The following FAM210B variants were observed in gnomAD, a reference collection of about 807,000 sequenced individuals.
FAM210B encodes mitochondrial inner membrane scaffold 2, also known as family with sequence similarity 210 member B.
In FAM210B, 11 loss-of-function variants were observed where a neutral mutation model predicts 14.9. The observed-to-expected ratio is 0.74, with a 90% confidence interval of 0.46 to 1.22. The LOEUF (loss-of-function observed/expected upper bound fraction) is 1.22, where lower values mean the gene tolerates loss of function less well. FAM210B is among the 50% of genes most tolerant of loss of function. The pLI is 0.00. For synonymous variants in FAM210B, 113 were observed against 110.2 expected, an observed-to-expected ratio of 1.03 and a Z score of -0.16; for missense variants, 229 against 250.1, an observed-to-expected ratio of 0.92 and a Z score of 0.57.
At chr20:56,361,039 G>C (rs909420123) in intron 1 of FAM210B, among the ~76,000 whole-genome samples, 3 of 152,206 alleles carry the variant, frequency 2.0e-5, no homozygotes, top group African/African-American at 7.2e-5. Context: ...AAGAGGGGTA[G>C]GGAAAGCCAC....
Position 56,359,049 on chromosome 20 carries a change from G to C in FAM210B, c.44G>C (p.Gly15Ala). ...TTGCTGGGTCCGGCAGGCAGGGTGG[G>C]CGCCCGGGTCCGGCCTCGCGCCACC... ...LALLGPAGRV[G>A]ARVRPRATWL... is the part of the protein sequence containing the mutation. Residue 15 changes from glycine to alanine, a missense_variant, in exon 1 of 3, where the codon GGC becomes GCC. Physicochemically the swap from Gly to Ala is moderately conservative, Grantham distance 60. This residue lies in a region of FAM210B where 144 missense variants were observed against 132.5 expected (regional missense o/e 1.09). Coordinates refer to ENST00000371384, the MANE Select transcript of FAM210B (RefSeq NM_080821.3). This position sits in a 1 kb window ranked among gnomAD's most constrained non-coding sequence, Gnocchi z 4.3. The C allele has an allele frequency of 7.4e-7, 1 of 1,352,222 alleles. No homozygotes were observed. The highest frequency in any genetic ancestry group is 9.6e-7 in the Non-Finnish European group (1 of 1,046,518). 83.8% of individuals were successfully genotyped at this position (1,352,222 alleles called of 1,614,324 possible).
At position 56,362,597 on chromosome 20, in the gene FAM210B, T is replaced by A. The variant is rs1983555788; in HGVS notation, c.187-2490T>A. Among the ~76,000 whole-genome samples the A allele has an allele frequency of 6.6e-6, 1 of 152,220 alleles. No individual in the cohort carries two copies. Among genetic ancestry groups the A allele is most frequent in the Admixed American group, 6.5e-5 (1 of 15,270 alleles). ...CACAGTGCTTATAGATGGGTGTTTTTATCAAAACAAAAGGAATAAAATTGT... is the reference window on the plus strand; with the variant it reads ...CACAGTGCTTATAGATGGGTGTTTTAATCAAAACAAAAGGAATAAAATTGT... On this transcript the variant is annotated intron_variant, in intron 1 of 2. Transcript: ENST00000371384. This position sits in a 1 kb window ranked among gnomAD's most constrained non-coding sequence, Gnocchi z 4.8.
At chr20:56,361,401 T>C (rs1294004633) in intron 1 of FAM210B, among the ~76,000 whole-genome samples, 1 of 152,162 alleles carries the variant, frequency 6.6e-6, no homozygotes, top group African/African-American at 2.4e-5. Flanking sequence ...GGTGGGGTTT[T>C]GTCAGTTTTT....
chr20:56,363,143 G>C lies in FAM210B; in HGVS notation c.187-1944G>C, dbSNP rs559612771. ...GACATCTTCCCTCCTCCCCTCCAGA[G>C]CCTGGACATTCTGGAAAAGTGTCTT... On this transcript the variant is annotated intron_variant, in intron 1 of 2. Coordinates refer to ENST00000371384, the MANE Select transcript of FAM210B (RefSeq NM_080821.3). The surrounding 1 kb of genome is among the most constrained non-coding windows in gnomAD (Gnocchi z 4.1). 5.3e-5 allele frequency among the ~76,000 whole-genome samples: 8 copies of C among 152,336 alleles called. No individual in the cohort carries two copies. The highest frequency in any genetic ancestry group is 1.9e-4 in the African/African-American group (8 of 41,570).
rs1983482392 is a variant in FAM210B, at chr20:56,359,166, C to G, written c.161C>G (p.Ala54Gly). The change falls in exon 1 of 3, where the codon GCG (alanine) becomes GGG (glycine). Residue 54 changes from alanine (A) to glycine (G), a missense_variant. Ala to Gly is a moderately conservative substitution (Grantham distance 60). Coordinates refer to ENST00000371384, the MANE Select transcript of FAM210B (RefSeq NM_080821.3). The surrounding 1 kb of genome is among the most constrained non-coding windows in gnomAD (Gnocchi z 4.3). ...CTAGACGCCCGGCTGCTCCGCACGG[C>G]GCGCGGGGACTGCCGCGGCCACCAG... ...PRLDARLLRT[A>G]RGDCRGHQDP... is the part of the protein sequence containing the mutation. The G allele has an allele frequency of 1.0e-5, 13 of 1,238,608 alleles. No homozygotes were observed. In the South Asian group the frequency reaches 5.1e-4, roughly 48 times the overall value. 76.7% of individuals were successfully genotyped at this position (1,238,608 alleles called of 1,614,324 possible). A position where few individuals can be genotyped will look rare whatever the true frequency, so the allele number is the denominator to read the frequency against.
intron 1 of FAM210B, among the ~76,000 whole-genome samples, chr20:56,361,035 G>T (rs1425695411): frequency 6.6e-6 from 1 of 152,198 alleles, no homozygotes; most frequent in East Asian, 1.9e-4. Flanking sequence ...CTGTAAGAGG[G>T]GTAGGGAAAG....
intron 1 of FAM210B, chr20:56,360,111 C>A (rs1231891325): frequency 4.4e-6 from 2 of 449,816 alleles, no homozygotes; most frequent in African/African-American, 2.0e-5. Flanking sequence ...CAGTAAGGAG[C>A]GGATGGGGAT....
At position 56,362,438 on chromosome 20, in the gene FAM210B, G is replaced by A. The variant is rs1290706395; in HGVS notation, c.187-2649G>A. Among the ~76,000 whole-genome samples the A allele has an allele frequency of 5.3e-5, 8 of 152,088 alleles. No individual in the cohort carries two copies. In the South Asian group the frequency reaches 8.3e-4, roughly 16 times the overall value. ...TTCAGGACAGTGCCTAACACATCCC[G>A]GGTACTTACGGCAATGTTTCACGAA... On this transcript the variant is annotated intron_variant, in intron 1 of 2. Transcript: ENST00000371384. This position sits in a 1 kb window ranked among gnomAD's most constrained non-coding sequence, Gnocchi z 4.8.
rs1277618470 is a variant in FAM210B, at chr20:56,359,033, C to T, written c.28C>T (p.Pro10Ser). 8 of 1,347,542 alleles carry T rather than the reference C, an allele frequency of 5.9e-6. No homozygotes were observed. The highest frequency in any genetic ancestry group is 6.7e-6 in the Non-Finnish European group (7 of 1,043,742). 83.5% of individuals were successfully genotyped at this position (1,347,542 alleles called of 1,614,324 possible). A position where few individuals can be genotyped will look rare whatever the true frequency, so the allele number is the denominator to read the frequency against. ...GGCCGGGTTGCTGGCGTTGCTGGGT[C>T]CGGCAGGCAGGGTGGGCGCCCGGGT... MAGLLALLG[P>S]AGRVGARVRP... The change falls in exon 1 of 3, where the codon CCG becomes TCG. Residue 10 changes from proline (P) to serine (S), a missense_variant. Physicochemically the swap from Pro to Ser is moderately conservative, Grantham distance 74 (BLOSUM62 -1). This residue lies in a region of FAM210B where 144 missense variants were observed against 132.5 expected (regional missense o/e 1.09). Coordinates refer to ENST00000371384, the MANE Select transcript of FAM210B (RefSeq NM_080821.3). The surrounding 1 kb of genome is among the most constrained non-coding windows in gnomAD (Gnocchi z 4.3).
Position 56,359,277 on chromosome 20 carries a change from G to T in FAM210B, c.186+86G>T. On this transcript the variant is annotated intron_variant, in intron 1 of 2. Transcript: ENST00000371384. The surrounding 1 kb of genome is among the most constrained non-coding windows in gnomAD (Gnocchi z 4.3). Reference sequence around the variant, plus strand: ...GCCGCGCCGGGGTCCGGCCGCCTCCGCCAAGGACGCCTTTGCACTTGTAGC... The same window carrying T: ...GCCGCGCCGGGGTCCGGCCGCCTCCTCCAAGGACGCCTTTGCACTTGTAGC... The T allele has an allele frequency of 8.5e-7, 1 of 1,179,862 alleles. No homozygotes were observed. Among genetic ancestry groups the T allele is most frequent in the Non-Finnish European group, 1.1e-6 (1 of 949,356 alleles). 73.1% of individuals were successfully genotyped at this position (1,179,862 alleles called of 1,614,324 possible).
intron 1 of FAM210B, among the ~76,000 whole-genome samples, chr20:56,361,608 C>T (rs1278900077): frequency 6.6e-6 from 1 of 152,174 alleles, no homozygotes; most frequent in African/African-American, 2.4e-5. Flanking sequence ...TTCTCAGATC[C>T]TCTTCTGTTA....
rs1171466871 is a variant in FAM210B at position 56,362,536 on chromosome 20, A to C, written c.187-2551A>C. Among the ~76,000 whole-genome samples, 1 of 152,156 alleles carries C rather than the reference A, an allele frequency of 6.6e-6. No individual in the cohort carries two copies. Among genetic ancestry groups the C allele is most frequent in the Non-Finnish European group, 1.5e-5 (1 of 68,016 alleles). Reference sequence around the variant, plus strand: ...TAAATTCTTTTATTTCAGCTTCTTTAGTCTCCCCAAAGGTTAGGAAGAAAA... The same window carrying C: ...TAAATTCTTTTATTTCAGCTTCTTTCGTCTCCCCAAAGGTTAGGAAGAAAA... On this transcript the variant is annotated intron_variant, in intron 1 of 2. Coordinates refer to ENST00000371384, the MANE Select transcript of FAM210B (RefSeq NM_080821.3). This position sits in a 1 kb window ranked among gnomAD's most constrained non-coding sequence, Gnocchi z 4.8.
chr20:56,364,435 C>T (rs913833456), intron 1 of FAM210B, among the ~76,000 whole-genome samples: 3 of 152,214 alleles, frequency 2.0e-5, no homozygotes, highest in Admixed American at 1.3e-4. Context: ...TCCCTCTCTT[C>T]ACTTATAAGG....
chr20:56,361,390 G>C (rs1231727908), intron 1 of FAM210B, among the ~76,000 whole-genome samples: 1 of 152,146 alleles, frequency 6.6e-6, no homozygotes, highest in African/African-American at 2.4e-5. Context: ...AGCTCATCGA[G>C]GGTGGGGTTT....
rs1346023981 is a variant in FAM210B, at chr20:56,362,975, C to T, written c.187-2112C>T. On this transcript the variant is annotated intron_variant, in intron 1 of 2. Coordinates refer to ENST00000371384, the MANE Select transcript of FAM210B (RefSeq NM_080821.3). The surrounding 1 kb of genome is among the most constrained non-coding windows in gnomAD (Gnocchi z 4.8). ...CTGCTGTCCCCTCTGCAGCCTCCCT[C>T]AGCAGCTGGAGGTGGGTGGGGCTTG... is the stretch of plus-strand genomic sequence containing the variant. 6.6e-6 allele frequency among the ~76,000 whole-genome samples: 1 copy of T among 152,218 alleles called. No individual in the cohort carries two copies. Among genetic ancestry groups the T allele is most frequent in the African/African-American group, 2.4e-5 (1 of 41,466 alleles).
At chr20:56,360,084 A>AC (rs1983501953) in intron 1 of FAM210B, 1 of 420,500 alleles carries the variant, frequency 2.4e-6, no homozygotes, top group African/African-American at 2.0e-5. Flanking sequence ...ACATCTCCTG[A>AC]CCGTTTCCTA....
At chr20:56,365,758 C>T (rs1983621337) in intron 2 of FAM210B, among the ~76,000 whole-genome samples, 1 of 152,128 alleles carries the variant, frequency 6.6e-6, no homozygotes, top group African/African-American at 2.4e-5. Flanking sequence ...CCCCCTCGGC[C>T]TCCCAAAGTG....
chr20:56,365,072 C>CT lies in FAM210B; in HGVS notation c.187-14dup. The CT allele has an allele frequency of 1.2e-6, 2 of 1,606,542 alleles. No homozygotes were observed. The highest frequency in any genetic ancestry group is 1.7e-6 in the Non-Finnish European group (2 of 1,177,498). On this transcript the variant is annotated splice_polypyrimidine_tract_variant and intron_variant, in intron 1 of 2. Transcript: ENST00000371384. ...CCTGCCCTAAAGCACCTCCTCTTCT[C>CT]TGATTTGTACACAGGACCCCAGCCA...
At position 56,359,101 on chromosome 20, in the gene FAM210B, C is replaced by T. The variant is rs1334965774; in HGVS notation, c.96C>T (p.Cys32=). ...ATWLLGATAP[C]APPPLALALL... ...GGCTCCTGGGCGCCACCGCCCCCTG[C>T]GCCCCGCCGCCCCTGGCCCTGGCCC... The change falls in exon 1 of 3, where the codon TGC becomes TGT. Residue 32 remains cysteine (C), a synonymous_variant. Coordinates refer to ENST00000371384, the MANE Select transcript of FAM210B (RefSeq NM_080821.3). This position sits in a 1 kb window ranked among gnomAD's most constrained non-coding sequence, Gnocchi z 4.3. 7.5e-7 allele frequency: 1 copy of T among 1,335,826 alleles called. No homozygotes were observed. The highest frequency in any genetic ancestry group is 3.2e-5 in the East Asian group (1 of 30,958). The allele number at this position is 1,335,826 out of a possible 1,614,324, so 82.7% of individuals were successfully genotyped here. A position where few individuals can be genotyped will look rare whatever the true frequency, so the allele number is the denominator to read the frequency against.
Sources: gnomAD v4.1 joint callset for allele counts (sites outside exome capture counted in the v4.1 genomes callset) on GRCh38, gnomAD v4.1.1 for gene constraint, gnomAD v4.1.1 regional missense constraint, Gnocchi (gnomAD v3.1) non-coding constraint, MANE v1.5 for transcripts, NCBI Gene and HGNC (gene_info 2026-07-23, HGNC 2026-07-21) for gene names.